Variants in NXNL2 observed in about 807,000 individuals in gnomAD.
NXNL2 encodes nucleoredoxin like 2, also known as nucleoredoxin-like protein 2.
In NXNL2, 7 loss-of-function variants were observed where a neutral mutation model predicts 11.1. The observed-to-expected ratio is 0.63, with a 90% CI of 0.36 to 1.18. The LOEUF (loss-of-function observed/expected upper bound fraction) is 1.18, where lower values mean the gene tolerates loss of function less well. Ranked by LOEUF, NXNL2 falls within the 50% of genes most tolerant of loss-of-function variation. The probability of loss-of-function intolerance (pLI) is 0.02; values close to 1 mark genes in which losing one functional copy is unlikely to be tolerated. For synonymous variants in NXNL2, 109 were observed against 101.8 expected (o/e 1.07, Z -0.42); for missense variants, 233 against 217.7 (o/e 1.07, Z -0.44).
chr9:88,553,648 A>G (rs1829973931), intron 1 of NXNL2, among the ~76,000 whole-genome samples: 1 of 152,188 alleles, frequency 6.6e-6, no homozygotes, highest in Non-Finnish European at 1.5e-5. Context: ...CATTTTTCTT[A>G]TCTAGCTGTG....
At chr9:88,577,495 T>A (rs1183469193), downstream of NXNL2, among the ~76,000 whole-genome samples, 1 of 152,072 alleles carries the variant, frequency 6.6e-6, no homozygotes, top group Non-Finnish European at 1.5e-5. Flanking sequence ...CAGACATTCA[T>A]TCTCTCACTG....
At chr9:88,571,276 C>A (rs55737525) in intron 2 of NXNL2, 11,750 of 238,172 alleles carry the variant, frequency 0.049, 475 homozygotes, top group African/African-American at 0.11. Flanking sequence ...ACCATGTTGT[C>A]CAGGCTGATC....
intron 1 of NXNL2, among the ~76,000 whole-genome samples, chr9:88,556,109 C>T (rs1422573082): frequency 6.6e-6 from 1 of 152,210 alleles, no homozygotes; most frequent in Non-Finnish European, 1.5e-5. Context: ...ACAACTCTGG[C>T]TCAGGGAGTC....
intron 1 of NXNL2, among the ~76,000 whole-genome samples, chr9:88,555,362 C>T (rs554563674): frequency 6.6e-6 from 1 of 152,190 alleles, no homozygotes; most frequent in Non-Finnish European, 1.5e-5. Context: ...CTTTTTGGAC[C>T]ATATAGGGTA....
intron 1 of NXNL2, 148 bp downstream of exon 1, chr9:88,535,884 C>A: frequency 1.5e-6 from 1 of 664,238 alleles, no homozygotes; most frequent in East Asian, 2.8e-5. Flanking sequence ...TCCGGTAAAT[C>A]ACACTCAGTC....
At chr9:88,559,639 A>G (rs890207146) in intron 1 of NXNL2, among the ~76,000 whole-genome samples, 3 of 152,230 alleles carry the variant, frequency 2.0e-5, no homozygotes, top group East Asian at 1.9e-4. Flanking sequence ...CTCTGAGCAC[A>G]GAATCCCCAC....
At chr9:88,571,882 G>A (rs1830271513) in intron 2 of NXNL2, among the ~76,000 whole-genome samples, 1 of 151,836 alleles carries the variant, frequency 6.6e-6, no homozygotes, top group Non-Finnish European at 1.5e-5. Context: ...AGGAGAGCCA[G>A]GACCACATCT....
intron 1 of NXNL2, among the ~76,000 whole-genome samples, chr9:88,542,493 C>T (rs572917706): frequency 1.3e-5 from 2 of 151,834 alleles, no homozygotes; most frequent in East Asian, 4.0e-4. Context: ...TTTCACCGTG[C>T]TGGCCAGGCT....
chr9:88,559,616 T>C (rs1830061281), intron 1 of NXNL2, among the ~76,000 whole-genome samples: 1 of 152,164 alleles, frequency 6.6e-6, no homozygotes. Context: ...CTGCAGCAGG[T>C]CCCTGAGCTA....
downstream of NXNL2, among the ~76,000 whole-genome samples, chr9:88,547,133 C>T (rs1313054487): frequency 3.9e-5 from 6 of 152,224 alleles, no homozygotes; most frequent in Non-Finnish European, 7.3e-5. Context: ...TGGTGAGCCC[C>T]GTGGGCGCTA....
intron 1 of NXNL2, among the ~76,000 whole-genome samples, chr9:88,582,640 C>T (rs578152696): frequency 6.7e-6 from 1 of 150,118 alleles, no homozygotes; most frequent in Non-Finnish European, 1.5e-5. Flanking sequence ...CCCTCCTCCC[C>T]TCCCTCCCTC....
At chr9:88,544,340 T>C (rs753080590) in intron 1 of NXNL2, 39 bp from the exon 2 acceptor site, 26 of 1,519,288 alleles carry the variant, frequency 1.7e-5, no homozygotes, top group Non-Finnish European at 1.8e-6. Context: ...GATGTGCATG[T>C]GGGAGTGCTA....
intron 1 of NXNL2, among the ~76,000 whole-genome samples, chr9:88,583,274 G>A (rs920108509): frequency 8.5e-5 from 13 of 152,226 alleles, no homozygotes; most frequent in Non-Finnish European, 1.3e-4. Context: ...TGGCATGCTC[G>A]TGGAGACCCA....
intron 1 of NXNL2, among the ~76,000 whole-genome samples, chr9:88,555,443 G>A (rs981965532): frequency 6.6e-6 from 1 of 151,644 alleles, no homozygotes; most frequent in Non-Finnish European, 1.5e-5. Context: ...GCATGCTGAT[G>A]CACTATATAA....
intron 1 of NXNL2, among the ~76,000 whole-genome samples, chr9:88,563,203 C>T (rs1830110881): frequency 6.6e-6 from 1 of 152,206 alleles, no homozygotes. Context: ...ACACAATGAA[C>T]AGAAATACAC....
At chr9:88,561,441 C>G (rs141261630) in intron 1 of NXNL2, among the ~76,000 whole-genome samples, 14 of 152,230 alleles carry the variant, frequency 9.2e-5, no homozygotes, top group African/African-American at 3.4e-4. Context: ...ATCTATCGAT[C>G]AATCTATCTA....
chr9:88,554,914 T>C (rs1431107161), intron 1 of NXNL2, among the ~76,000 whole-genome samples: 2 of 152,206 alleles, frequency 1.3e-5, no homozygotes, highest in Non-Finnish European at 2.9e-5. Flanking sequence ...TTATTATAGC[T>C]TAACTCTCTT....
downstream of NXNL2, among the ~76,000 whole-genome samples, chr9:88,580,227 C>T (rs574488245): frequency 1.6e-4 from 24 of 150,022 alleles, no homozygotes; most frequent in Middle Eastern, 3.4e-3. Context: ...AATCTCAGCT[C>T]ACTACAACTT....
At chr9:88,581,127 AATCTGT>A (rs1237366439) in intron 1 of NXNL2, among the ~76,000 whole-genome samples, 1 of 152,140 alleles carries the variant, frequency 6.6e-6, no homozygotes, top group Non-Finnish European at 1.5e-5. Context: ...CTATGTAATT[AATCTGT>A]ATCTCCATAC....
Sources: allele counts gnomAD v4.1 joint callset (sites outside exome capture counted in the v4.1 genomes callset), GRCh38; gene constraint gnomAD v4.1.1; transcripts MANE v1.5; gene names NCBI Gene and HGNC (gene_info 2026-07-23, HGNC 2026-07-21).